RPTOR: variants seen among roughly 807,000 people sequenced by gnomAD.
RPTOR encodes regulatory-associated protein of mTOR.
In RPTOR, 21 loss-of-function variants were observed where a neutral mutation model predicts 169.9. The ratio of observed to expected loss-of-function variants is 0.12; its 90% CI spans 0.09 to 0.18. RPTOR has a LOEUF of 0.18. Among genes scored for constraint, RPTOR ranks in the 10% least tolerant of loss-of-function variants. The pLI is 1.00. For synonymous variants in RPTOR, 732 were observed against 753.2 expected (o/e 0.97, Z 0.46); for missense variants, 1,133 against 1,855.9 (o/e 0.61, Z 7.16).
chr17:80,776,465 A>G (rs778589561), intron 6 of RPTOR, among the ~76,000 whole-genome samples: 87 of 151,770 alleles, frequency 5.7e-4, no homozygotes, highest in Non-Finnish European at 1.1e-3. Flanking sequence ...CTGGGACTAT[A>G]GGTGTGCACC....
chr17:80,684,768 C>T (rs2065924350), intron 3 of RPTOR, among the ~76,000 whole-genome samples: 1 of 152,132 alleles, frequency 6.6e-6, no homozygotes, highest in Non-Finnish European at 1.5e-5. Context: ...ATATCCTGCT[C>T]TTACATGGCA....
intron 1 of RPTOR, among the ~76,000 whole-genome samples, chr17:80,589,742 G>A (rs1007848989): frequency 6.6e-6 from 1 of 151,528 alleles, no homozygotes; most frequent in Non-Finnish European, 1.5e-5. Flanking sequence ...TACAGTTTTC[G>A]TTTTGTTTTT....
chr17:80,767,232 G>A (rs191956299), intron 6 of RPTOR, among the ~76,000 whole-genome samples: 8 of 152,244 alleles, frequency 5.3e-5, no homozygotes, highest in Admixed American at 1.3e-4. Flanking sequence ...TTACTCGTGC[G>A]TGGTGGCATA....
chr17:80,950,551 A>T (rs1363674619), intron 28 of RPTOR, among the ~76,000 whole-genome samples: 1 of 151,946 alleles, frequency 6.6e-6, no homozygotes, highest in African/African-American at 2.4e-5. Context: ...CAGCAAAAAA[A>T]ATCATCCACA....
intron 5 of RPTOR, among the ~76,000 whole-genome samples, chr17:80,733,382 A>G (rs1598264854): frequency 6.6e-6 from 1 of 152,242 alleles, no homozygotes; most frequent in East Asian, 1.9e-4. Flanking sequence ...AAATTAGTAT[A>G]TGCCATGGTT....
chr17:80,563,032 A>G (rs116424125), intron 1 of RPTOR, among the ~76,000 whole-genome samples: 1,940 of 152,166 alleles, frequency 0.013, 52 homozygotes, highest in African/African-American at 0.045. Context: ...GGCCGTTTCC[A>G]TGGTTTCTGG....
At chr17:80,774,325 A>T in intron 6 of RPTOR, 1 of 985,436 alleles carries the variant, frequency 1.0e-6, no homozygotes, top group South Asian at 4.7e-5. Context: ...CCGCAATGTC[A>T]TGTAAGCTGT....
intron 2 of RPTOR, among the ~76,000 whole-genome samples, chr17:80,628,470 G>T (rs2065413266): frequency 6.6e-6 from 1 of 152,158 alleles, no homozygotes; most frequent in African/African-American, 2.4e-5. Flanking sequence ...ACAGTCACCT[G>T]TTGTGTTCTG....
At chr17:80,602,598 G>A in intron 1 of RPTOR, 1 of 623,738 alleles carries the variant, frequency 1.6e-6, no homozygotes, top group East Asian at 3.4e-5. Flanking sequence ...CATGGTAACA[G>A]GTACATAGGT....
At chr17:80,840,193 C>G (rs2067611861) in intron 10 of RPTOR, among the ~76,000 whole-genome samples, 4 of 152,170 alleles carry the variant, frequency 2.6e-5, no homozygotes, top group Admixed American at 2.6e-4. Context: ...CGCTTTCCTG[C>G]CCAGTTTTGT....
intron 23 of RPTOR, among the ~76,000 whole-genome samples, chr17:80,924,870 GTCC>G (rs1282667902): frequency 6.6e-6 from 1 of 152,210 alleles, no homozygotes; most frequent in Non-Finnish European, 1.5e-5. Flanking sequence ...CCAAAGCTCA[GTCC>G]TCCTCAGCTC....
In RPTOR at chr17:80,961,295, G is replaced by A. The variant is rs527284377; in HGVS notation, c.3606-99G>A. 1,027 of 1,172,206 alleles carry A rather than the reference G, an allele frequency of 8.8e-4. 10 individuals are homozygous for A. The African/African-American group carries it at 0.014, about 16-fold the overall frequency. The allele number at this position is 1,172,206 out of a possible 1,614,324, so 72.6% of individuals were successfully genotyped here. ...CGGACGGGCGAGGGCCTGCGGACCC[G>A]CTGGCACAGGCAGACCTGGGCAGCT... On this transcript the variant is annotated intron_variant, in intron 30 of 33. Coordinates refer to ENST00000306801, the MANE Select transcript of RPTOR (RefSeq NM_020761.3).
intron 3 of RPTOR, among the ~76,000 whole-genome samples, chr17:80,693,020 G>GA (rs2066005783): frequency 6.6e-6 from 1 of 152,224 alleles, no homozygotes; most frequent in Non-Finnish European, 1.5e-5. Context: ...TCTCTTTAGG[G>GA]AAGTGCTGTA....
At chr17:80,547,476 T>C (rs1404855159) in intron 1 of RPTOR, among the ~76,000 whole-genome samples, 2 of 152,370 alleles carry the variant, frequency 1.3e-5, no homozygotes, top group East Asian at 3.9e-4. Flanking sequence ...CATTCCCTAA[T>C]AAGCTTTTCA....
chr17:80,940,281 T>C, intron 24 of RPTOR: 1 of 505,388 alleles, frequency 2.0e-6, no homozygotes. Context: ...TACACAGCGT[T>C]GACACTGTGT....
chr17:80,563,166 A>T (rs2084522917), intron 1 of RPTOR, among the ~76,000 whole-genome samples: 1 of 151,948 alleles, frequency 6.6e-6, no homozygotes. Flanking sequence ...TCTTTTCACC[A>T]AGATGTGTTT....
intron 9 of RPTOR, among the ~76,000 whole-genome samples, chr17:80,832,639 G>C (rs893743711): frequency 6.6e-6 from 1 of 152,194 alleles, no homozygotes; most frequent in African/African-American, 2.4e-5. Flanking sequence ...TTTGCCAACT[G>C]CAACTGAGGA....
chr17:80,685,202 T>TCGGA (rs1409107895), intron 3 of RPTOR, among the ~76,000 whole-genome samples: 3 of 108,262 alleles, frequency 2.8e-5, no homozygotes, highest in Admixed American at 8.2e-5. Flanking sequence ...CAGGGTCGCT[T>TCGGA]GTTGCGTTTT....
At chr17:80,702,694 G>A (rs34710385) in intron 3 of RPTOR, among the ~76,000 whole-genome samples, 26,721 of 152,168 alleles carry the variant, frequency 0.18, 3,751 homozygotes, top group African/African-American at 0.39. Context: ...AGCTAAATCC[G>A]TTTTTCGCAG....
Sources: allele counts gnomAD v4.1 joint callset (sites outside exome capture counted in the v4.1 genomes callset), GRCh38; gene constraint gnomAD v4.1.1; transcripts MANE v1.5; gene names NCBI Gene and HGNC (gene_info 2026-07-23, HGNC 2026-07-21).